Variants in PARD3B observed in about 807,000 individuals in gnomAD.
The protein encoded by PARD3B is partitioning defective 3 homolog B.
PARD3B carries 103 observed loss-of-function variants against 130.2 expected under a neutral mutation model. The observed-to-expected ratio is 0.79, with a 90% CI of 0.67 to 0.93. PARD3B has a LOEUF of 0.93. PARD3B is among the 40% of genes least tolerant of loss of function. The pLI is 0.00. For synonymous variants in PARD3B, 583 were observed against 553.2 expected (o/e 1.05, Z -0.76); for missense variants, 1,609 against 1,499.2 (o/e 1.07, Z -1.21).
intron 1 of PARD3B, among the ~76,000 whole-genome samples, chr2:204,589,283 T>C (rs2032973550): frequency 1.3e-5 from 2 of 152,246 alleles, no homozygotes; most frequent in East Asian, 1.9e-4. Flanking sequence ...CAAATAGATA[T>C]TGGAGCAAAT....
chr2:205,421,113 G>A lies in PARD3B; in HGVS notation c.2742-19257G>A, dbSNP rs2046955035. Among the ~76,000 whole-genome samples the A allele has an allele frequency of 6.6e-6, 1 of 151,832 alleles. No homozygotes were observed. The highest frequency in any genetic ancestry group is 1.5e-5 in the Non-Finnish European group (1 of 68,010). Reference sequence around the variant, plus strand: ...GCCACTACACTCCAGCCTGGTAACAGAGCAAGACTCCATCTCAAAAAACAA... The same window carrying A: ...GCCACTACACTCCAGCCTGGTAACAAAGCAAGACTCCATCTCAAAAAACAA... On this transcript the variant is annotated intron_variant, in intron 19 of 22. Coordinates refer to ENST00000406610, the MANE Select transcript of PARD3B (RefSeq NM_001302769.2). This position sits in a 1 kb window ranked among gnomAD's most constrained non-coding sequence, Gnocchi z 5.1.
chr2:205,152,697 G>A lies in PARD3B; in HGVS notation c.1435-6025G>A, dbSNP rs181076213. 2.5e-3 allele frequency among the ~76,000 whole-genome samples: 376 copies of A among 152,196 alleles called. 1 individual carries two copies. Among genetic ancestry groups the A allele is most frequent in the Non-Finnish European group, 4.8e-3 (326 of 67,998 alleles). ...TTTTTAGCTTCCTCGCAATGGGTTC[G>A]AATATCCTCCTTTAGCTCGGAGAAG... is the stretch of plus-strand genomic sequence containing the variant. On this transcript the variant is annotated intron_variant, in intron 10 of 22. Transcript: ENST00000406610.
chr2:205,456,652 T>A (rs1417057218), intron 20 of PARD3B, among the ~76,000 whole-genome samples: 1 of 150,100 alleles, frequency 6.7e-6, no homozygotes, highest in Non-Finnish European at 1.5e-5. Flanking sequence ...GATCTTGTGA[T>A]TTTTTTTTGT....
At chr2:204,888,394 C>G (rs2046334206) in intron 2 of PARD3B, among the ~76,000 whole-genome samples, 1 of 151,828 alleles carries the variant, frequency 6.6e-6, no homozygotes, top group Non-Finnish European at 1.5e-5. Flanking sequence ...TTGCACAAGC[C>G]AAAGGAACAG....
rs2042910279 is a variant in PARD3B at position 205,325,527 on chromosome 2, T to TAGC, written c.2630+23828_2630+23829insCAG. Among the ~76,000 whole-genome samples, 1 of 2,840 alleles carries TAGC rather than the reference T, an allele frequency of 3.5e-4. No homozygotes were observed. The highest frequency in any genetic ancestry group is 1.2e-3 in the Non-Finnish European group (1 of 808). The allele number at this position is 2,840 out of a possible 152,430, so 1.9% of individuals were successfully genotyped here. A position where few individuals can be genotyped will look rare whatever the true frequency, so the allele number is the denominator to read the frequency against. On this transcript the variant is annotated intron_variant, in intron 18 of 22. Coordinates refer to ENST00000406610, the MANE Select transcript of PARD3B (RefSeq NM_001302769.2). The surrounding 1 kb of genome is among the most constrained non-coding windows in gnomAD (Gnocchi z 4.1). The stretch of plus-strand genomic sequence containing the variant: ...TTACTAATATCATCTCATTGTTTAT[T>TAGC]AGTAGTAGTAGTAGTAGTAGTCTCA...
intron 1 of PARD3B, among the ~76,000 whole-genome samples, chr2:204,634,622 T>A (rs1300763091): frequency 6.6e-6 from 1 of 152,190 alleles, no homozygotes; most frequent in Non-Finnish European, 1.5e-5. Flanking sequence ...GTCTGTATTT[T>A]GCTGGTTGTA....
chr2:205,246,982 C>T (rs971955435), intron 16 of PARD3B, among the ~76,000 whole-genome samples: 3 of 152,184 alleles, frequency 2.0e-5, no homozygotes, highest in African/African-American at 7.2e-5. Context: ...TTAGGAGCTT[C>T]AGAAGGAAGT....
chr2:205,170,693 G>A (rs1455341720), intron 11 of PARD3B, among the ~76,000 whole-genome samples: 1 of 152,078 alleles, frequency 6.6e-6, no homozygotes, highest in African/African-American at 2.4e-5. Context: ...GCATTAGTCC[G>A]AGTTTAACGA....
At chr2:205,399,561 G>A (rs889359560) in intron 18 of PARD3B, among the ~76,000 whole-genome samples, 1 of 151,966 alleles carries the variant, frequency 6.6e-6, no homozygotes, top group South Asian at 2.1e-4. Context: ...CACTATGTTG[G>A]CCAGGCTGGT....
chr2:205,606,154 C>T (rs1236537899), intron 22 of PARD3B, among the ~76,000 whole-genome samples: 1 of 152,130 alleles, frequency 6.6e-6, no homozygotes. Context: ...CCCCTCCCCA[C>T]AGGAACTCAG....
intron 1 of PARD3B, among the ~76,000 whole-genome samples, chr2:204,554,853 C>CCA (rs1330416656): frequency 6.6e-6 from 1 of 152,172 alleles, no homozygotes; most frequent in Non-Finnish European, 1.5e-5. Context: ...CCTTAGAAAG[C>CCA]CCTGCTTGCG....
chr2:204,940,702 G>T (rs545758957), intron 2 of PARD3B, among the ~76,000 whole-genome samples: 1 of 152,084 alleles, frequency 6.6e-6, no homozygotes, highest in Admixed American at 6.6e-5. Flanking sequence ...CTCTGTTGTC[G>T]CAGTGGTTTT....
chr2:205,198,872 T>G (rs898167872), intron 15 of PARD3B, among the ~76,000 whole-genome samples: 1 of 151,884 alleles, frequency 6.6e-6, no homozygotes, highest in Admixed American at 6.6e-5. Context: ...TTTACTATTT[T>G]TATTTATATC....
chr2:204,847,330 C>T (rs1361025705), intron 2 of PARD3B, among the ~76,000 whole-genome samples: 1 of 151,534 alleles, frequency 6.6e-6, no homozygotes, highest in Non-Finnish European at 1.5e-5. Flanking sequence ...TGTGTATACA[C>T]ATGCAGAATT....
chr2:204,751,378 G>T (rs1373018525), intron 2 of PARD3B, among the ~76,000 whole-genome samples: 1 of 152,158 alleles, frequency 6.6e-6, no homozygotes, highest in Non-Finnish European at 1.5e-5. Context: ...CTAATGGAAG[G>T]TGTTGGATTC....
intron 1 of PARD3B, among the ~76,000 whole-genome samples, chr2:204,651,038 A>G (rs2035459114): frequency 6.6e-6 from 1 of 152,124 alleles, no homozygotes; most frequent in South Asian, 2.1e-4. Flanking sequence ...CTGACATGGG[A>G]TTACAATTTG....
chr2:205,100,061 CAG>C (rs2125561974), intron 4 of PARD3B, among the ~76,000 whole-genome samples: 1 of 152,108 alleles, frequency 6.6e-6, no homozygotes, highest in African/African-American at 2.4e-5. Flanking sequence ...TCCATATACT[CAG>C]AGAATTAAGT....
intron 1 of PARD3B, among the ~76,000 whole-genome samples, chr2:204,685,537 C>G (rs564985737): frequency 6.6e-6 from 1 of 152,298 alleles, no homozygotes; most frequent in Non-Finnish European, 1.5e-5. Flanking sequence ...TTGAACATCT[C>G]TTTAATTACT....
At position 205,432,117 on chromosome 2, in the gene PARD3B, T is replaced by G. The variant is rs114575507; in HGVS notation, c.2742-8253T>G. 3.1e-3 allele frequency among the ~76,000 whole-genome samples: 465 copies of G among 152,332 alleles called. 1 individual carries two copies. The highest frequency in any genetic ancestry group is 0.01 in the African/African-American group (418 of 41,572). ...TTTTGAGGCATTTGAAGGGCAGTCT[T>G]AATTACAGAATTTTGTTTTTAAACC... On this transcript the variant is annotated intron_variant, in intron 19 of 22. Coordinates refer to ENST00000406610, the MANE Select transcript of PARD3B (RefSeq NM_001302769.2).
Sources: allele counts gnomAD v4.1 joint callset (sites outside exome capture counted in the v4.1 genomes callset), GRCh38; gene constraint gnomAD v4.1.1; non-coding constraint Gnocchi (gnomAD v3.1); transcripts MANE v1.5; gene names NCBI Gene and HGNC (gene_info 2026-07-23, HGNC 2026-07-21).